The following ITGAV variants were observed in gnomAD, a reference collection of about 807,000 sequenced individuals.
The protein encoded by ITGAV is integrin alpha-V.
Under a neutral mutation model 143.8 loss-of-function variants are expected in ITGAV, and 76 were observed. That is an observed-to-expected ratio of 0.53 (90% CI 0.44 to 0.64). The LOEUF (loss-of-function observed/expected upper bound fraction) is 0.64, where lower values mean the gene tolerates loss of function less well. ITGAV is among the 30% of genes least tolerant of loss of function. The probability of loss-of-function intolerance (pLI) is 0.00; values close to 1 mark genes in which losing one functional copy is unlikely to be tolerated. For synonymous variants in ITGAV, 453 were observed against 446.7 expected (o/e 1.01, Z -0.18); for missense variants, 1,193 against 1,274.7 (o/e 0.94, Z 0.98).
intron 8 of ITGAV, 24 bp downstream of exon 8, chr2:186,637,133 TA>T: frequency 6.3e-7 from 1 of 1,581,580 alleles, no homozygotes; most frequent in Non-Finnish European, 8.7e-7. Context: ...GAACTATATC[TA>T]ATCTTTAAAA....
In ITGAV at chr2:186,640,930, G is replaced by A. The variant is rs1000625322; in HGVS notation, c.919G>A (p.Gly307Arg). 5.6e-6 allele frequency: 9 copies of A among 1,593,956 alleles called. No homozygotes were observed. Among genetic ancestry groups the A allele is most frequent in the African/African-American group, 1.3e-5 (1 of 74,412 alleles). Residue 307 changes from glycine (G) to arginine (R), a missense_variant, in exon 11 of 30, where the codon GGA becomes AGA. Physicochemically the swap from Gly to Arg is moderately radical, Grantham distance 125. Transcript: ENST00000261023. ...TTTTATCCAGATGGCTGCATATTTC[G>A]GATTTTCTGTAGCTGCCACTGACAT... ...FTGEQMAAYF[G>R]FSVAATDING...
intron 1 of ITGAV, chr2:186,600,434 C>T: frequency 1.3e-6 from 2 of 1,534,952 alleles, no homozygotes; most frequent in Non-Finnish European, 1.8e-6. Flanking sequence ...AGAGAACTTT[C>T]TTCCCCATTC....
intron 2 of ITGAV, among the ~76,000 whole-genome samples, chr2:186,602,568 T>C (rs1213357734): frequency 6.6e-6 from 1 of 152,152 alleles, no homozygotes; most frequent in Admixed American, 6.5e-5. Flanking sequence ...ATCCAAGCCT[T>C]AGGCTGTGCT....
At chr2:186,591,891 A>G (rs933734734) in intron 1 of ITGAV, among the ~76,000 whole-genome samples, 5 of 152,332 alleles carry the variant, frequency 3.3e-5, no homozygotes, top group Non-Finnish European at 7.4e-5. Context: ...AATAATCATT[A>G]TTTAGGCAAC....
chr2:186,633,608 A>G (rs1244360741), intron 6 of ITGAV, among the ~76,000 whole-genome samples: 1 of 151,148 alleles, frequency 6.6e-6, no homozygotes, highest in East Asian at 1.9e-4. Context: ...GTAAATACAT[A>G]CTTTTATGTT....
intron 29 of ITGAV, 123 bp from the exon 30 acceptor site, chr2:186,677,074 G>A (rs1327062847): frequency 8.2e-7 from 1 of 1,222,550 alleles, no homozygotes; most frequent in East Asian, 2.5e-5. Context: ...CTTATTATAT[G>A]AGGGAAGATA....
At chr2:186,624,787 G>A (rs1028658499) in intron 3 of ITGAV, among the ~76,000 whole-genome samples, 4 of 151,970 alleles carry the variant, frequency 2.6e-5, no homozygotes, top group Non-Finnish European at 4.4e-5. Context: ...TAAGTACTGC[G>A]CATTATTTTA....
intron 2 of ITGAV, among the ~76,000 whole-genome samples, chr2:186,610,930 G>T (rs778804825): frequency 2.6e-5 from 4 of 152,108 alleles, no homozygotes; most frequent in Admixed American, 6.5e-5. Context: ...GGCTGCATTC[G>T]TTTCCTGTTG....
chr2:186,640,942 G>A lies in ITGAV; in HGVS notation c.931G>A (p.Ala311Thr), dbSNP rs200171726. ...QMAAYFGFSV[A>T]ATDINGDDYA... ...GGCTGCATATTTCGGATTTTCTGTA[G>A]CTGCCACTGACATTAATGGAGATGA... is the stretch of plus-strand genomic sequence containing the variant. The change falls in exon 11 of 30, where the codon GCT becomes ACT. Residue 311 changes from alanine (A) to threonine (T), a missense_variant. Coordinates refer to ENST00000261023, the MANE Select transcript of ITGAV (RefSeq NM_002210.5). The A allele has an allele frequency of 1.3e-6, 2 of 1,595,788 alleles. No homozygotes were observed. The highest frequency in any genetic ancestry group is 1.7e-6 in the Non-Finnish European group (2 of 1,168,834).
At chr2:186,595,030 G>A (rs1686708816) in intron 1 of ITGAV, among the ~76,000 whole-genome samples, 1 of 152,154 alleles carries the variant, frequency 6.6e-6, no homozygotes, top group Non-Finnish European at 1.5e-5. Context: ...TACAGTAGTT[G>A]TTGACTGGCA....
chr2:186,613,801 C>G (rs533306604), intron 2 of ITGAV, among the ~76,000 whole-genome samples: 41 of 152,126 alleles, frequency 2.7e-4, no homozygotes, highest in Middle Eastern at 3.4e-3. Flanking sequence ...CTTACTAAGT[C>G]AACGAAATCA....
chr2:186,630,855 T>C lies in ITGAV; in HGVS notation c.582T>C (p.Thr194=). ...FCQGGFSIDF[T]KADRVLLGGP... ...AAGGAGGATTCAGCATTGATTTTAC[T>C]AAAGTAAGTTCTTATTTAAGACTGA... Residue 194 remains threonine, a synonymous_variant, in exon 5 of 30, where the codon ACT becomes ACC. Coordinates refer to ENST00000261023, the MANE Select transcript of ITGAV (RefSeq NM_002210.5). The C allele has an allele frequency of 1.3e-6, 2 of 1,537,176 alleles. No individual in the cohort carries two copies. Among genetic ancestry groups the C allele is most frequent in the South Asian group, 2.3e-5 (2 of 88,484 alleles).
chr2:186,648,155 CT>C (rs980059644), intron 13 of ITGAV, among the ~76,000 whole-genome samples: 14 of 151,980 alleles, frequency 9.2e-5, no homozygotes, highest in African/African-American at 2.2e-4. Context: ...TCTTATTTAC[CT>C]TTTTTTGTGG....
chr2:186,618,868 G>T (rs960191685), intron 2 of ITGAV, among the ~76,000 whole-genome samples: 1 of 151,986 alleles, frequency 6.6e-6, no homozygotes, highest in African/African-American at 2.4e-5. Flanking sequence ...ACTACAAATG[G>T]AACTACCATA....
chr2:186,665,889 C>T (rs1321258727), intron 21 of ITGAV, among the ~76,000 whole-genome samples: 1 of 152,074 alleles, frequency 6.6e-6, no homozygotes, highest in African/African-American at 2.4e-5. Context: ...TTTTCTATTA[C>T]AAGTCATTAG....
intron 4 of ITGAV, 116 bp downstream of exon 4, chr2:186,625,703 T>C (rs992616647): frequency 1.8e-5 from 9 of 514,178 alleles, no homozygotes; most frequent in Middle Eastern, 3.9e-4. Context: ...TTAAAAGATA[T>C]AGACATATTA....
Position 186,622,352 on chromosome 2 carries a change from T to C in ITGAV, c.330T>C (p.Tyr110=). The change falls in exon 3 of 30, where the codon TAT becomes TAC. Residue 110 remains tyrosine, a synonymous_variant. Coordinates refer to ENST00000261023, the MANE Select transcript of ITGAV (RefSeq NM_002210.5). ...IEFDATGNRD[Y]AKDDPLEFKS... is the part of the protein sequence containing the mutation. ...ATTCTTTTTTAGGCAATAGAGATTATGCCAAGGATGATCCATTGGAATTTA... is the reference window on the plus strand; with the variant it reads ...ATTCTTTTTTAGGCAATAGAGATTACGCCAAGGATGATCCATTGGAATTTA... The C allele has an allele frequency of 1.2e-6, 2 of 1,612,022 alleles. No homozygotes were observed. Among genetic ancestry groups the C allele is most frequent in the Non-Finnish European group, 1.7e-6 (2 of 1,178,112 alleles).
rs144805737 is a variant in ITGAV, at chr2:186,655,475, T to C, written c.1564+767T>C. ...GTTTCAGCAGGCCTGAAGCGGAAAA[T>C]GTGCTCAGTGGTTGAGAAACGGCAT... On this transcript the variant is annotated intron_variant, in intron 16 of 29. Transcript: ENST00000261023. Among the ~76,000 whole-genome samples, 436 of 152,132 alleles carry C rather than the reference T, an allele frequency of 2.9e-3. 2 individuals are homozygous for C. The highest frequency in any genetic ancestry group is 0.01 in the African/African-American group (420 of 41,492).
intron 16 of ITGAV, 78 bp downstream of exon 16, chr2:186,654,786 A>G (rs568766017): frequency 4.6e-6 from 3 of 648,698 alleles, no homozygotes; most frequent in Admixed American, 2.7e-5. Context: ...AAGATATTCA[A>G]ATAGTTACTT....
Sources: gnomAD v4.1 joint callset for allele counts (sites outside exome capture counted in the v4.1 genomes callset) on GRCh38, gnomAD v4.1.1 for gene constraint, MANE v1.5 for transcripts, NCBI Gene and HGNC (gene_info 2026-07-23, HGNC 2026-07-21) for gene names.